DNAJA3: variants seen among roughly 807,000 people sequenced by gnomAD.
DNAJA3 encodes DnaJ heat shock protein family (Hsp40) member A3.
A neutral mutation model predicts 54.9 loss-of-function variants in DNAJA3; 29 were observed. That is an observed-to-expected ratio of 0.53 (90% CI 0.39 to 0.72). The LOEUF (loss-of-function observed/expected upper bound fraction) is 0.72, where lower values mean the gene tolerates loss of function less well. Among genes scored for constraint, DNAJA3 ranks in the 30% least tolerant of loss-of-function variants. The pLI is 0.00. For missense variants in DNAJA3, 708 were observed against 639.4 expected (o/e 1.11, Z -1.16); for synonymous variants, 302 against 251.4 (o/e 1.20, Z -1.90).
chr16:4,439,699 G>A (rs948359165), intron 3 of DNAJA3, among the ~76,000 whole-genome samples: 1 of 152,148 alleles, frequency 6.6e-6, no homozygotes, highest in African/African-American at 2.4e-5. Context: ...CAGAACCTAA[G>A]AGCAGCAATT....
In DNAJA3 at chr16:4,441,198, G is replaced by A. The variant is rs906613260; in HGVS notation, c.430-177G>A. Reference sequence around the variant, plus strand: ...ACGCCCTACACTTAGCATTCAGTTTGGTCATCTCATCCCTCTTCTAGGTGC... The same window carrying A: ...ACGCCCTACACTTAGCATTCAGTTTAGTCATCTCATCCCTCTTCTAGGTGC... On this transcript the variant is annotated intron_variant, in intron 3 of 11. Transcript: ENST00000262375. 2.0e-4 allele frequency: 123 copies of A among 603,434 alleles called. No homozygotes were observed. In the African/African-American group the frequency reaches 2.2e-3, roughly 11 times the overall value. 37.4% of individuals were successfully genotyped at this position (603,434 alleles called of 1,614,324 possible).
chr16:4,455,587 C>CT lies in DNAJA3; in HGVS notation c.*56dup. The CT allele has an allele frequency of 6.4e-7, 1 of 1,551,776 alleles. No homozygotes were observed. On this transcript the variant is annotated 3_prime_UTR_variant, in exon 12 of 12. Coordinates refer to ENST00000262375, the MANE Select transcript of DNAJA3 (RefSeq NM_005147.6). The stretch of plus-strand genomic sequence containing the variant: ...AAACTAGGCCGGGAAGCAGCAGCCC[C>CT]TCCAAGGGCCAGGGCACCTGGGAGA...
At chr16:4,435,390 C>G (rs1005987146) in intron 2 of DNAJA3, among the ~76,000 whole-genome samples, 4 of 152,100 alleles carry the variant, frequency 2.6e-5, no homozygotes, top group African/African-American at 4.8e-5. Flanking sequence ...TATAAGTGCA[C>G]AGTTCACTGG....
At chr16:4,433,932 A>T (rs919735079) in intron 1 of DNAJA3, 1 of 201,128 alleles carries the variant, frequency 5.0e-6, no homozygotes, top group African/African-American at 2.4e-5. Flanking sequence ...CCTGTGTATT[A>T]GTCTGTTCTC....
chr16:4,437,026 A>C (rs1379896469), intron 2 of DNAJA3, among the ~76,000 whole-genome samples: 1 of 152,148 alleles, frequency 6.6e-6, no homozygotes, highest in Non-Finnish European at 1.5e-5. Flanking sequence ...GCTGGAGTGC[A>C]GTGCCTCGAT....
chr16:4,442,190 C>G (rs2056843822), intron 4 of DNAJA3, 78 bp from the exon 5 acceptor site: 2 of 1,454,954 alleles, frequency 1.4e-6, no homozygotes, highest in Middle Eastern at 1.8e-4. Flanking sequence ...GGCCAGTACC[C>G]TCCTTTCCCT....
At chr16:4,451,752 GAAAAAAAA>G (rs57814611) in intron 10 of DNAJA3, among the ~76,000 whole-genome samples, 1 of 41,858 alleles carries the variant, frequency 2.4e-5, no homozygotes, top group East Asian at 6.8e-4. Flanking sequence ...GAGACTCTCT[GAAAAAAAA>G]AAAAAAAAAA....
In DNAJA3 at chr16:4,434,400, T is replaced by A; in HGVS notation, c.228T>A (p.Pro76=). 6.2e-7 allele frequency: 1 copy of A among 1,612,974 alleles called. No homozygotes were observed. Among genetic ancestry groups the A allele is most frequent in the African/African-American group, 1.3e-5 (1 of 74,956 alleles). Residue 76 remains proline, a synonymous_variant, in exon 2 of 12, where the codon CCT becomes CCA. Coordinates refer to ENST00000262375, the MANE Select transcript of DNAJA3 (RefSeq NM_005147.6). ...CCTTTTTAGGAACAAAACATAACCC[T>A]TTCATTTGTACTGCCTCCTTCCACA... ...GVSLTGTKHN[P]FICTASFHTS...
intron 7 of DNAJA3, 135 bp downstream of exon 7, chr16:4,444,863 C>A: frequency 1.4e-6 from 1 of 739,360 alleles, no homozygotes; most frequent in Non-Finnish European, 2.2e-6. Flanking sequence ...GCACAGTGGC[C>A]ACCTAGATGT....
At chr16:4,441,754 A>G (rs1055584303) in intron 4 of DNAJA3, among the ~76,000 whole-genome samples, 179 bp downstream of exon 4, 7 of 152,218 alleles carry the variant, frequency 4.6e-5, no homozygotes, top group African/African-American at 9.7e-5. Context: ...AGTAATGAGT[A>G]TGTCCATTCT....
rs1048894990 is a variant in DNAJA3, at chr16:4,453,372, G to T, written c.1340-1439G>T. On this transcript the variant is annotated intron_variant, in intron 10 of 11. Coordinates refer to ENST00000262375, the MANE Select transcript of DNAJA3 (RefSeq NM_005147.6). ...TTCTGGCGAACAGAGAGGGAACTGG[G>T]GGGGCTTGCAATTACTATGTGACTT... Among the ~76,000 whole-genome samples the T allele has an allele frequency of 2.6e-5, 4 of 152,270 alleles. No homozygotes were observed. The South Asian group carries it at 8.3e-4, about 32-fold the overall frequency.
intron 2 of DNAJA3, among the ~76,000 whole-genome samples, chr16:4,436,039 G>A (rs1297598950): frequency 1.3e-5 from 2 of 152,148 alleles, no homozygotes; most frequent in Admixed American, 6.5e-5. Flanking sequence ...ATGCTATCTC[G>A]TTAGAGTTTC....
chr16:4,444,640 C>T (rs781280911), intron 6 of DNAJA3, 24 bp from the exon 7 acceptor site: 1 of 1,612,094 alleles, frequency 6.2e-7, no homozygotes, highest in South Asian at 1.1e-5. Context: ...TGCCTAACTT[C>T]TCCCTTTCTA....
chr16:4,434,192 C>G (rs1044676367), intron 1 of DNAJA3, 192 bp from the exon 2 acceptor site: 2 of 588,372 alleles, frequency 3.4e-6, no homozygotes, highest in African/African-American at 1.9e-5. Context: ...TCAGTTACCT[C>G]CCATCAGGTC....
intron 3 of DNAJA3, among the ~76,000 whole-genome samples, chr16:4,437,983 A>C (rs1465034834): frequency 6.6e-6 from 1 of 151,830 alleles, no homozygotes; most frequent in African/African-American, 2.4e-5. Context: ...AAAAAAAACA[A>C]AACAACAACA....
At chr16:4,428,832 A>G (rs891269356) in intron 1 of DNAJA3, among the ~76,000 whole-genome samples, 93 of 151,232 alleles carry the variant, frequency 6.1e-4, no homozygotes, top group African/African-American at 2.2e-3. Context: ...TGAGCCTAGC[A>G]GTTTGGGACC....
chr16:4,432,406 G>C (rs1042109407), intron 1 of DNAJA3, among the ~76,000 whole-genome samples: 1 of 148,698 alleles, frequency 6.7e-6, no homozygotes, highest in African/African-American at 2.5e-5. Flanking sequence ...GCAATGGCGC[G>C]ATCTTGGCTC....
rs1489991038 is a variant in DNAJA3, at chr16:4,441,452, C to T, written c.507C>T (p.Ser169=). The change falls in exon 4 of 12, where the codon TCC becomes TCT. Residue 169 remains serine, a synonymous_variant. Coordinates refer to ENST00000262375, the MANE Select transcript of DNAJA3 (RefSeq NM_005147.6). The part of the protein sequence containing the change: ...SAGFDPGASG[S]QHSYWKGGPT... ...GCTTCGATCCTGGGGCCAGCGGCTC[C>T]CAGCATAGCTACTGGAAGGGAGGCC... 1.2e-6 allele frequency: 2 copies of T among 1,614,194 alleles called. No individual in the cohort carries two copies. Among genetic ancestry groups the T allele is most frequent in the African/African-American group, 1.3e-5 (1 of 75,050 alleles).
intron 5 of DNAJA3, chr16:4,442,704 A>G: frequency 1.9e-6 from 1 of 518,156 alleles, no homozygotes; most frequent in Non-Finnish European, 3.4e-6. Context: ...TGGTAATTCA[A>G]GGGGAAATAA....
Sources: allele counts gnomAD v4.1 joint callset (sites outside exome capture counted in the v4.1 genomes callset), GRCh38; gene constraint gnomAD v4.1.1; transcripts MANE v1.5; gene names NCBI Gene and HGNC (gene_info 2026-07-23, HGNC 2026-07-21).